The following GPSM3 variants were observed in gnomAD, a reference collection of about 807,000 sequenced individuals.
The protein encoded by GPSM3 is G protein signaling modulator 3.
Under a neutral mutation model 20.4 loss-of-function variants are expected in GPSM3, and 16 were observed. That is an observed-to-expected ratio of 0.78 (90% CI 0.53 to 1.19). The LOEUF (loss-of-function observed/expected upper bound fraction) is 1.19. GPSM3 is among the 50% of genes most tolerant of loss of function. The pLI is 0.00. For missense variants in GPSM3, 177 were observed against 204.6 expected (o/e 0.86, Z 0.82); for synonymous variants, 70 against 79.6 (o/e 0.88, Z 0.64).
chr6:32,192,600 C>T lies in GPSM3; in HGVS notation c.-87G>A. ...CTTGGGTTCCTGAGGGGAGTGGGGGCTGGAAGGGGTGGGGGTGAGCTGGGG... is the reference window on the plus strand; with the variant it reads ...CTTGGGTTCCTGAGGGGAGTGGGGGTTGGAAGGGGTGGGGGTGAGCTGGGG... On this transcript the variant is annotated 5_prime_UTR_variant, in exon 1 of 4. Transcript: ENST00000375040. The surrounding 1 kb of genome is among the most constrained non-coding windows in gnomAD (Gnocchi z 5.1). 1 of 565,744 alleles carries T rather than the reference C, an allele frequency of 1.8e-6. No homozygotes were observed. The highest frequency in any genetic ancestry group is 3.0e-6 in the Non-Finnish European group (1 of 333,166). 35.0% of individuals were successfully genotyped at this position (565,744 alleles called of 1,614,324 possible).
At position 32,192,141 on chromosome 6, in the gene GPSM3, G is replaced by A. The variant is rs1787571287; in HGVS notation, c.145+7C>T. On this transcript the variant is annotated splice_region_variant and intron_variant, in intron 2 of 3. Transcript: ENST00000375040. This position sits in a 1 kb window ranked among gnomAD's most constrained non-coding sequence, Gnocchi z 5.1. ...GGTCGGGGCTCTCCCTGGGTGGGTA[G>A]GGGTACCTGTGTGGCGGGTCCCTGG... is the stretch of plus-strand genomic sequence containing the variant. The A allele has an allele frequency of 6.6e-7, 1 of 1,508,270 alleles. No homozygotes were observed. Among genetic ancestry groups the A allele is most frequent in the Non-Finnish European group, 8.9e-7 (1 of 1,127,272 alleles). 93.4% of individuals were successfully genotyped at this position (1,508,270 alleles called of 1,614,324 possible). A position where few individuals can be genotyped will look rare whatever the true frequency, so the allele number is the denominator to read the frequency against.
At chr6:32,193,928 G>T (rs1787697932), upstream of GPSM3, among the ~76,000 whole-genome samples, 1 of 152,216 alleles carries the variant, frequency 6.6e-6, no homozygotes, top group African/African-American at 2.4e-5. This position sits in a 1 kb window ranked among gnomAD's most constrained non-coding sequence, Gnocchi z 4.7. Flanking sequence ...TTATAGCTGA[G>T]TGATTTGGAA....
In GPSM3 at chr6:32,191,955, G is replaced by A. The variant is rs1371991605; in HGVS notation, c.146-47C>T. 1 of 1,565,262 alleles carries A rather than the reference G, an allele frequency of 6.4e-7. No individual in the cohort carries two copies. Among genetic ancestry groups the A allele is most frequent in the East Asian group, 2.2e-5 (1 of 44,522 alleles). ...GCTCAGAGACCCAGAGAGGTTGGCAGACAGGAGCCGTGGGGGAGTGTGGAC... is the reference window on the plus strand; with the variant it reads ...GCTCAGAGACCCAGAGAGGTTGGCAAACAGGAGCCGTGGGGGAGTGTGGAC... On this transcript the variant is annotated intron_variant, in intron 2 of 3. Transcript: ENST00000375040. This position sits in a 1 kb window ranked among gnomAD's most constrained non-coding sequence, Gnocchi z 5.9.
rs371951624 is a variant in GPSM3 at position 32,192,248 on chromosome 6, G to C, written c.45C>G (p.Gly15=). ...RPQEEEDGEQ[G]PPQDEEGWPP... ...GCCAGCCTTCCTCATCCTGAGGGGG[G>C]CCCTGATGCCAAAATATGTCCATTC... is the stretch of plus-strand genomic sequence containing the variant. The change falls in exon 2 of 4, where the codon GGC becomes GGG. Residue 15 remains glycine, a splice_region_variant and synonymous_variant. Coordinates refer to ENST00000375040, the MANE Select transcript of GPSM3 (RefSeq NM_001276501.2). This position sits in a 1 kb window ranked among gnomAD's most constrained non-coding sequence, Gnocchi z 5.1. 2.0e-6 allele frequency: 3 copies of C among 1,521,682 alleles called. No individual in the cohort carries two copies. The African/African-American group carries it at 4.2e-5, about 21-fold the overall frequency. 94.3% of individuals were successfully genotyped at this position (1,521,682 alleles called of 1,614,324 possible). A position where few individuals can be genotyped will look rare whatever the true frequency, so the allele number is the denominator to read the frequency against.
upstream of GPSM3, chr6:32,192,667 C>A: frequency 2.0e-6 from 1 of 488,386 alleles, no homozygotes; most frequent in Non-Finnish European, 3.7e-6. This position sits in a 1 kb window ranked among gnomAD's most constrained non-coding sequence, Gnocchi z 5.1. Context: ...GGTTCCTGGT[C>A]AGCCCCCCCA....
rs987393144 is a variant in GPSM3 at position 32,191,575 on chromosome 6, G to A, written c.346-72C>T. On this transcript the variant is annotated intron_variant, in intron 3 of 3. Transcript: ENST00000375040. This position sits in a 1 kb window ranked among gnomAD's most constrained non-coding sequence, Gnocchi z 5.9. ...GAGGAGGTTCTTGAGAGGATCAAGGGTTGGTATGGGGAGGCATATAGGAAA... is the reference window on the plus strand; with the variant it reads ...GAGGAGGTTCTTGAGAGGATCAAGGATTGGTATGGGGAGGCATATAGGAAA... 1.3e-6 allele frequency: 2 copies of A among 1,510,626 alleles called. No individual in the cohort carries two copies. The highest frequency in any genetic ancestry group is 2.2e-5 in the Admixed American group (1 of 45,160). The allele number at this position is 1,510,626 out of a possible 1,614,324, so 93.6% of individuals were successfully genotyped here.
At chr6:32,194,673 A>G (rs1449222585), upstream of GPSM3, 1 of 185,358 alleles carries the variant, frequency 5.4e-6, no homozygotes, top group Non-Finnish European at 1.1e-5. This position sits in a 1 kb window ranked among gnomAD's most constrained non-coding sequence, Gnocchi z 4.5. Flanking sequence ...TTGCTTTCAG[A>G]TAATACCCTA....
chr6:32,191,480 C>T lies in GPSM3; in HGVS notation c.369G>A (p.Arg123=). 6.4e-7 allele frequency: 1 copy of T among 1,571,074 alleles called. No homozygotes were observed. Among genetic ancestry groups the T allele is most frequent in the Non-Finnish European group, 8.6e-7 (1 of 1,160,266 alleles). The part of the protein sequence containing the change: ...SHQCQRMEAQ[R]SEPPLPPGGQ... Reference sequence around the variant, plus strand: ...CCCCTGGAGGGAGGGGAGGCTCTGACCGCTGGGCTTCCATCCGCTGGCACT... The same window carrying T: ...CCCCTGGAGGGAGGGGAGGCTCTGATCGCTGGGCTTCCATCCGCTGGCACT... The change falls in exon 4 of 4, where the codon CGG becomes CGA. Residue 123 remains arginine, a synonymous_variant. Transcript: ENST00000375040. The surrounding 1 kb of genome is among the most constrained non-coding windows in gnomAD (Gnocchi z 5.9).
At chr6:32,194,150 T>A (rs1319782951), upstream of GPSM3, among the ~76,000 whole-genome samples, 4 of 152,208 alleles carry the variant, frequency 2.6e-5, no homozygotes, top group Non-Finnish European at 4.4e-5. The surrounding 1 kb of genome is among the most constrained non-coding windows in gnomAD (Gnocchi z 4.5). Context: ...TGACTCCATG[T>A]TTCAAACCTA....
Position 32,191,919 on chromosome 6 carries a change from G to C in GPSM3, c.146-11C>G. On this transcript the variant is annotated splice_polypyrimidine_tract_variant and intron_variant, in intron 2 of 3. Coordinates refer to ENST00000375040, the MANE Select transcript of GPSM3 (RefSeq NM_001276501.2). This position sits in a 1 kb window ranked among gnomAD's most constrained non-coding sequence, Gnocchi z 5.9. Reference sequence around the variant, plus strand: ...AGCGGGGTCCCAGGGCTGGGGAGAGGGGTGTGGAGGGCTCAGAGACCCAGA... The same window carrying C: ...AGCGGGGTCCCAGGGCTGGGGAGAGCGGTGTGGAGGGCTCAGAGACCCAGA... 6.2e-7 allele frequency: 1 copy of C among 1,609,982 alleles called. No individual in the cohort carries two copies. The highest frequency in any genetic ancestry group is 8.5e-7 in the Non-Finnish European group (1 of 1,178,726).
At chr6:32,193,564 G>A (rs765102698), upstream of GPSM3, among the ~76,000 whole-genome samples, 6 of 152,068 alleles carry the variant, frequency 3.9e-5, no homozygotes, top group South Asian at 2.1e-4. This position sits in a 1 kb window ranked among gnomAD's most constrained non-coding sequence, Gnocchi z 4.7. Flanking sequence ...AATAGAGTAC[G>A]GGAAGGGTTC....
At position 32,191,530 on chromosome 6, in the gene GPSM3, C is replaced by T. The variant is rs1238904910; in HGVS notation, c.346-27G>A. 4 of 1,533,530 alleles carry T rather than the reference C, an allele frequency of 2.6e-6. No individual in the cohort carries two copies. Among genetic ancestry groups the T allele is most frequent in the Non-Finnish European group, 3.5e-6 (4 of 1,141,232 alleles). The allele number at this position is 1,533,530 out of a possible 1,614,324, so 95.0% of individuals were successfully genotyped here. On this transcript the variant is annotated intron_variant, in intron 3 of 3. Coordinates refer to ENST00000375040, the MANE Select transcript of GPSM3 (RefSeq NM_001276501.2). The surrounding 1 kb of genome is among the most constrained non-coding windows in gnomAD (Gnocchi z 5.9). Reference sequence around the variant, plus strand: ...TGGAGGAGTGGAGGGAGAGGGAGAGCTTTGGTGAGGGTCTGAGAGGAGGAG... The same window carrying T: ...TGGAGGAGTGGAGGGAGAGGGAGAGTTTTGGTGAGGGTCTGAGAGGAGGAG...
In GPSM3 at chr6:32,191,656, C is replaced by T; in HGVS notation, c.345+53G>A. The T allele has an allele frequency of 1.3e-6, 2 of 1,511,120 alleles. No homozygotes were observed. Among genetic ancestry groups the T allele is most frequent in the South Asian group, 2.5e-5 (2 of 80,072 alleles). 93.6% of individuals were successfully genotyped at this position (1,511,120 alleles called of 1,614,324 possible). A position where few individuals can be genotyped will look rare whatever the true frequency, so the allele number is the denominator to read the frequency against. On this transcript the variant is annotated intron_variant, in intron 3 of 3. Coordinates refer to ENST00000375040, the MANE Select transcript of GPSM3 (RefSeq NM_001276501.2). This position sits in a 1 kb window ranked among gnomAD's most constrained non-coding sequence, Gnocchi z 5.9. ...AACAGGAGTAGAGCCCCAAAGAGAA[C>T]AGGGGCCAAGAGACCAGGAGGCCTG...
chr6:32,193,576 T>C (rs1787679599), upstream of GPSM3, among the ~76,000 whole-genome samples: 1 of 152,096 alleles, frequency 6.6e-6, no homozygotes, highest in Non-Finnish European at 1.5e-5. This position sits in a 1 kb window ranked among gnomAD's most constrained non-coding sequence, Gnocchi z 4.7. Flanking sequence ...GAAGGGTTCA[T>C]TTTGGAAACT....
At position 32,191,316 on chromosome 6, in the gene GPSM3, T is replaced by G; in HGVS notation, c.*50A>C. 1.3e-6 allele frequency: 2 copies of G among 1,555,422 alleles called. No individual in the cohort carries two copies. Among genetic ancestry groups the G allele is most frequent in the Non-Finnish European group, 1.7e-6 (2 of 1,158,508 alleles). ...CAAGAGTTGAGGGCATGCAATGGGCTGCCCAGCTTTGAGACCAGTGGCAAG... is the reference window on the plus strand; with the variant it reads ...CAAGAGTTGAGGGCATGCAATGGGCGGCCCAGCTTTGAGACCAGTGGCAAG... On this transcript the variant is annotated 3_prime_UTR_variant, in exon 4 of 4. Coordinates refer to ENST00000375040, the MANE Select transcript of GPSM3 (RefSeq NM_001276501.2). The surrounding 1 kb of genome is among the most constrained non-coding windows in gnomAD (Gnocchi z 5.9).
upstream of GPSM3, chr6:32,194,797 T>TC: frequency 4.3e-6 from 1 of 231,722 alleles, no homozygotes; most frequent in Middle Eastern, 1.3e-3. The surrounding 1 kb of genome is among the most constrained non-coding windows in gnomAD (Gnocchi z 4.5). Flanking sequence ...ATGCAGTCAC[T>TC]CCCATCTTTT....
In GPSM3 at chr6:32,191,573, G is replaced by A. The variant is rs1200468183; in HGVS notation, c.346-70C>T. ...AGGAGGAGGTTCTTGAGAGGATCAAGGGTTGGTATGGGGAGGCATATAGGA... is the reference window on the plus strand; with the variant it reads ...AGGAGGAGGTTCTTGAGAGGATCAAAGGTTGGTATGGGGAGGCATATAGGA... On this transcript the variant is annotated intron_variant, in intron 3 of 3. Transcript: ENST00000375040. The surrounding 1 kb of genome is among the most constrained non-coding windows in gnomAD (Gnocchi z 5.9). The A allele has an allele frequency of 3.3e-6, 5 of 1,511,304 alleles. No individual in the cohort carries two copies. The African/African-American group carries it at 7.0e-5, about 21-fold the overall frequency. 93.6% of individuals were successfully genotyped at this position (1,511,304 alleles called of 1,614,324 possible).
chr6:32,192,355 TC>T lies in GPSM3; in HGVS notation c.43-106del, dbSNP rs764612480. ...CCGTTTCCTCTCTGTGTGTCTCTGTTCCTGCCTCAGTTTGCCCAAGCCTTTC... is the reference window on the plus strand; with the variant it reads ...CCGTTTCCTCTCTGTGTGTCTCTGTTCTGCCTCAGTTTGCCCAAGCCTTTC... On this transcript the variant is annotated intron_variant, in intron 1 of 3. Coordinates refer to ENST00000375040, the MANE Select transcript of GPSM3 (RefSeq NM_001276501.2). The surrounding 1 kb of genome is among the most constrained non-coding windows in gnomAD (Gnocchi z 5.1). The T allele has an allele frequency of 3.0e-5, 41 of 1,375,104 alleles. No individual in the cohort carries two copies. Among genetic ancestry groups the T allele is most frequent in the Non-Finnish European group, 4.0e-5 (40 of 997,724 alleles). The allele number at this position is 1,375,104 out of a possible 1,614,324, so 85.2% of individuals were successfully genotyped here.
chr6:32,191,967 G>C lies in GPSM3; in HGVS notation c.146-59C>G, dbSNP rs1357073489. On this transcript the variant is annotated intron_variant, in intron 2 of 3. Transcript: ENST00000375040. The surrounding 1 kb of genome is among the most constrained non-coding windows in gnomAD (Gnocchi z 5.9). ...AGAGAGGTTGGCAGACAGGAGCCGT[G>C]GGGGAGTGTGGACAGGGTGACGTGA... The C allele has an allele frequency of 1.7e-5, 25 of 1,501,372 alleles. No individual in the cohort carries two copies. Among genetic ancestry groups the C allele is most frequent in the Non-Finnish European group, 2.2e-5 (24 of 1,083,174 alleles). 93.0% of individuals were successfully genotyped at this position (1,501,372 alleles called of 1,614,324 possible).
Sources: allele counts gnomAD v4.1 joint callset (sites outside exome capture counted in the v4.1 genomes callset), GRCh38; gene constraint gnomAD v4.1.1; non-coding constraint Gnocchi (gnomAD v3.1); transcripts MANE v1.5; gene names NCBI Gene and HGNC (gene_info 2026-07-23, HGNC 2026-07-21).